SSBP3: variants seen among roughly 807,000 people sequenced by gnomAD.
The protein encoded by SSBP3 is single-stranded DNA-binding protein 3.
SSBP3 carries 5 observed loss-of-function variants against 69.6 expected under a neutral mutation model. That is an observed-to-expected ratio of 0.07 (90% CI 0.04 to 0.15). The LOEUF (loss-of-function observed/expected upper bound fraction) is 0.15. Among genes scored for constraint, SSBP3 ranks in the 10% least tolerant of loss-of-function variants. The pLI is 1.00. For synonymous variants in SSBP3, 196 were observed against 193.4 expected, an observed-to-expected ratio of 1.01 and a Z score of -0.11; for missense variants, 312 against 534.0, an observed-to-expected ratio of 0.58 and a Z score of 4.10.
chr1:54,365,039 G>T (rs950403587), intron 4 of SSBP3, among the ~76,000 whole-genome samples: 1 of 152,202 alleles, frequency 6.6e-6, no homozygotes, highest in Non-Finnish European at 1.5e-5. Context: ...CCTGCACAGA[G>T]GGGCAGGAGG....
chr1:54,306,899 G>A (rs928373745), intron 4 of SSBP3, among the ~76,000 whole-genome samples: 25 of 152,150 alleles, frequency 1.6e-4, no homozygotes, highest in Admixed American at 2.6e-4. Context: ...GGTGGCATGC[G>A]CCTAACACGA....
intron 4 of SSBP3, among the ~76,000 whole-genome samples, chr1:54,338,455 A>G (rs1646548411): frequency 6.6e-6 from 1 of 152,154 alleles, no homozygotes; most frequent in Non-Finnish European, 1.5e-5. Context: ...CTGCCCGCCT[A>G]TGCTTCCCGC....
At chr1:54,271,828 G>A (rs1371501541) in intron 5 of SSBP3, among the ~76,000 whole-genome samples, 1 of 152,092 alleles carries the variant, frequency 6.6e-6, no homozygotes, top group African/African-American at 2.4e-5. Context: ...GGCATGCAAT[G>A]GTGTGATTTC....
At chr1:54,407,449 A>AG (rs201130560), upstream of SSBP3, among the ~76,000 whole-genome samples, 51 of 146,588 alleles carry the variant, frequency 3.5e-4, no homozygotes, top group East Asian at 1.8e-3. Flanking sequence ...TGGGAAATTG[A>AG]GGGGGGGGCT....
intron 4 of SSBP3, among the ~76,000 whole-genome samples, chr1:54,367,486 A>G (rs967766899): frequency 2.0e-5 from 3 of 152,216 alleles, no homozygotes; most frequent in South Asian, 4.1e-4. Flanking sequence ...GAATCTGTCA[A>G]TTAATATGTA....
intron 4 of SSBP3, among the ~76,000 whole-genome samples, chr1:54,382,869 C>A (rs1396937562): frequency 6.6e-6 from 1 of 151,816 alleles, no homozygotes; most frequent in Non-Finnish European, 1.5e-5. Flanking sequence ...CCTGCAATCC[C>A]AGCTACCCAG....
intron 4 of SSBP3, among the ~76,000 whole-genome samples, chr1:54,347,577 T>G (rs1646709848): frequency 6.6e-6 from 1 of 152,328 alleles, no homozygotes; most frequent in African/African-American, 2.4e-5. Flanking sequence ...AACCTGCAGA[T>G]GTGGAAGGCC....
intron 9 of SSBP3, among the ~76,000 whole-genome samples, chr1:54,243,604 C>T (rs755286035): frequency 3.9e-5 from 6 of 152,176 alleles, no homozygotes; most frequent in Non-Finnish European, 7.3e-5. Context: ...CCCATGATGT[C>T]ATCCTGTACC....
chr1:54,391,027 C>G (rs1570031602), intron 4 of SSBP3, among the ~76,000 whole-genome samples: 1 of 152,274 alleles, frequency 6.6e-6, no homozygotes, highest in South Asian at 2.1e-4. Context: ...CCAAAGAAAG[C>G]TGCAAAATTC....
At chr1:54,231,951 C>G (rs1644386664) in intron 14 of SSBP3, among the ~76,000 whole-genome samples, 1 of 152,152 alleles carries the variant, frequency 6.6e-6, no homozygotes, top group South Asian at 2.1e-4. Context: ...GTTTCGGCCT[C>G]CCAAAGTGCT....
intron 4 of SSBP3, among the ~76,000 whole-genome samples, chr1:54,395,010 CTTTT>C (rs772634375): frequency 6.9e-6 from 1 of 144,918 alleles, no homozygotes; most frequent in African/African-American, 2.5e-5. Context: ...GCTAAGACTC[CTTTT>C]TTTTTTTTTA....
At position 54,340,280 on chromosome 1, in the gene SSBP3, C is replaced by T. The variant is rs886626964; in HGVS notation, c.277-58753G>A. On this transcript the variant is annotated intron_variant, in intron 4 of 17. Transcript: ENST00000610401. ...CCTCTAAAGGTAGCTTGTCTCTTTT[C>T]GGCTGCAGTAATATTTGCAAAGGGA... Among the ~76,000 whole-genome samples, 166 of 152,342 alleles carry T rather than the reference C, an allele frequency of 1.1e-3. 3 individuals carry two copies. The highest frequency in any genetic ancestry group is 0.011 in the Admixed American group (165 of 15,310).
intron 4 of SSBP3, among the ~76,000 whole-genome samples, chr1:54,322,290 C>T (rs940723604): frequency 6.6e-6 from 1 of 152,142 alleles, no homozygotes; most frequent in Non-Finnish European, 1.5e-5. Context: ...AGAGATTCAT[C>T]GCAGCACTGC....
chr1:54,237,941 C>A, intron 14 of SSBP3: 1 of 362,652 alleles, frequency 2.8e-6, no homozygotes, highest in Non-Finnish European at 5.7e-6. Flanking sequence ...GGCAGATCAT[C>A]CACGCCATTT....
At chr1:54,233,944 G>A (rs1351229663) in intron 14 of SSBP3, among the ~76,000 whole-genome samples, 1 of 152,230 alleles carries the variant, frequency 6.6e-6, no homozygotes, top group Non-Finnish European at 1.5e-5. Flanking sequence ...GAAATCGGAT[G>A]GTTGCCGTGT....
chr1:54,330,516 G>A (rs1646390619), intron 4 of SSBP3, among the ~76,000 whole-genome samples: 1 of 152,152 alleles, frequency 6.6e-6, no homozygotes, highest in African/African-American at 2.4e-5. Flanking sequence ...CAGTCCCTGG[G>A]GGCAAACCAG....
In SSBP3 at chr1:54,228,119, TAACTG is replaced by T. The variant is rs577260469; in HGVS notation, c.1137+131_1137+135del. On this transcript the variant is annotated intron_variant, in intron 17 of 17. Coordinates refer to ENST00000610401, the Ensembl canonical transcript of SSBP3. ...AGGCTGCACACTTCTGCTAAAAAAA[TAACTG>T]AGGTGGAAAAACCATAACACGGCCA... 9.5e-4 allele frequency: 792 copies of T among 835,882 alleles called. 2 individuals carry two copies. In the African/African-American group the frequency reaches 0.011, roughly 12 times the overall value. The allele number at this position is 835,882 out of a possible 1,614,324, so 51.8% of individuals were successfully genotyped here.
intron 4 of SSBP3, among the ~76,000 whole-genome samples, chr1:54,378,101 A>G (rs943217892): frequency 2.6e-5 from 4 of 152,082 alleles, no homozygotes; most frequent in Non-Finnish European, 5.9e-5. Context: ...ACAACCCCAA[A>G]AAGCAGATGC....
intron 5 of SSBP3, among the ~76,000 whole-genome samples, chr1:54,259,872 G>A (rs889844131): frequency 4.6e-5 from 7 of 152,244 alleles, no homozygotes; most frequent in Non-Finnish European, 5.9e-5. Context: ...TTCAACAAGT[G>A]TGTGTCTTTC....
Sources: allele counts gnomAD v4.1 joint callset (sites outside exome capture counted in the v4.1 genomes callset), GRCh38; gene constraint gnomAD v4.1.1; transcripts MANE v1.5; gene names NCBI Gene and HGNC (gene_info 2026-07-23, HGNC 2026-07-21).